Variants in ACTR3C observed in about 807,000 individuals in gnomAD.
The protein encoded by ACTR3C is actin-related protein 3C.
Under a neutral mutation model 26.3 loss-of-function variants are expected in ACTR3C, and 18 were observed. That is an observed-to-expected ratio of 0.68 (90% confidence interval 0.47 to 1.01). The LOEUF (loss-of-function observed/expected upper bound fraction) is 1.01, where lower values mean the gene tolerates loss of function less well. Among genes scored for constraint, ACTR3C ranks in the 50% least tolerant of loss-of-function variants. ACTR3C has a pLI of 0.00. For synonymous variants in ACTR3C, 55 were observed against 94.5 expected (o/e 0.58, Z 2.42); for missense variants, 184 against 250.7 (o/e 0.73, Z 1.80).
intron 6 of ACTR3C, among the ~76,000 whole-genome samples, chr7:150,252,999 T>C (rs1213174096): frequency 6.6e-6 from 1 of 151,502 alleles, no homozygotes; most frequent in Non-Finnish European, 1.5e-5. Flanking sequence ...GACTCTTTTC[T>C]GCAGGTTGTG....
chr7:150,167,080 T>TGCCATATGTTG, the ACTR3C span, among the ~76,000 whole-genome samples: 2 of 150,192 alleles, frequency 1.3e-5, no homozygotes, highest in African/African-American at 5.1e-5. Flanking sequence ...CTTAGGTTGA[T>TGCCATATGTTG]GCCATATCTT....
chr7:150,085,861 CA>C, the ACTR3C span, among the ~76,000 whole-genome samples: 9 of 152,148 alleles, frequency 5.9e-5, no homozygotes, highest in East Asian at 9.6e-4. Context: ...CAGACACACT[CA>C]AAATGTGAAG....
chr7:150,051,261 A>G, the ACTR3C span, among the ~76,000 whole-genome samples: 1 of 152,020 alleles, frequency 6.6e-6, no homozygotes, highest in Non-Finnish European at 1.5e-5. Flanking sequence ...AGTGGTTAGT[A>G]TGTTAGAATA....
chr7:150,210,605 G>C, the ACTR3C span, among the ~76,000 whole-genome samples: 1 of 147,892 alleles, frequency 6.8e-6, no homozygotes, highest in African/African-American at 2.7e-5. Context: ...ATTATACTTA[G>C]TGAAAGTTGT....
the ACTR3C span, among the ~76,000 whole-genome samples, chr7:149,994,576 G>C: frequency 6.6e-6 from 1 of 151,982 alleles, no homozygotes; most frequent in Non-Finnish European, 1.5e-5. Context: ...ACTCCAGCCT[G>C]GGCAACAAGA....
the ACTR3C span, among the ~76,000 whole-genome samples, chr7:149,987,096 C>T: frequency 7.2e-6 from 1 of 139,706 alleles, no homozygotes; most frequent in Non-Finnish European, 1.5e-5. Context: ...GTTTAGTGCC[C>T]TCCACTGGGG....
the ACTR3C span, among the ~76,000 whole-genome samples, chr7:150,010,521 C>A: frequency 7.2e-5 from 11 of 152,138 alleles, no homozygotes; most frequent in South Asian, 4.1e-4. Context: ...TGGTGAAACC[C>A]TGTCTCTGCT....
the ACTR3C span, among the ~76,000 whole-genome samples, chr7:150,029,426 A>AAAAAAAAAAAACAAAAAAC: frequency 7.7e-6 from 1 of 129,598 alleles, no homozygotes; most frequent in African/African-American, 3.0e-5. Flanking sequence ...AACAAACAAA[A>AAAAAAAAAAAACAAAAAAC]AAAAACCATG....
chr7:150,130,090 T>C, the ACTR3C span, among the ~76,000 whole-genome samples: 3 of 152,162 alleles, frequency 2.0e-5, no homozygotes, highest in South Asian at 6.2e-4. Context: ...ACAATCACCA[T>C]TTCAACATAA....
chr7:150,175,413 G>A, the ACTR3C span, among the ~76,000 whole-genome samples: 274 of 145,618 alleles, frequency 1.9e-3, 7 homozygotes, highest in Non-Finnish European at 2.9e-3. Context: ...CCTCTCATTC[G>A]TATTCACAGC....
rs1407783218 is a variant in ACTR3C at position 150,272,394 on chromosome 7, T to C, written c.564+12359A>G. Among the ~76,000 whole-genome samples the C allele has an allele frequency of 2.9e-5, 4 of 139,464 alleles. 1 individual carries two copies. The highest frequency in any genetic ancestry group is 1.2e-4 in the African/African-American group (4 of 32,658). 91.5% of individuals were successfully genotyped at this position (139,464 alleles called of 152,430 possible). On this transcript the variant is annotated intron_variant, in intron 6 of 7. Coordinates refer to ENST00000683684, the MANE Select transcript of ACTR3C (RefSeq NM_001164458.2). ...AAAACTGGTTTTCTAACTAGTCTTT[T>C]ATGAGGATTAAAACGTTGTCTGAGC...
At chr7:150,264,632 A>G in intron 6 of ACTR3C, 1 of 964,944 alleles carries the variant, frequency 1.0e-6, no homozygotes, top group Non-Finnish European at 1.2e-6. Context: ...AGACAAGTTG[A>G]AGAAAACAAA....
At chr7:150,029,287 C>T in the ACTR3C span, among the ~76,000 whole-genome samples, 18 of 151,476 alleles carry the variant, frequency 1.2e-4, no homozygotes, top group South Asian at 2.1e-4. Flanking sequence ...TTGCCAGGCA[C>T]GGTGGCTCAT....
At chr7:150,246,695 A>T (rs1832482097), downstream of ACTR3C, 1 of 152,240 alleles carries the variant, frequency 6.6e-6, no homozygotes, top group African/African-American at 2.4e-5. Context: ...CAATAAAGTT[A>T]ATGTTCCCTA....
chr7:150,039,429 C>T, the ACTR3C span, among the ~76,000 whole-genome samples: 2 of 46,860 alleles, frequency 4.3e-5, no homozygotes, highest in Non-Finnish European at 1.1e-4. Context: ...CCCTGCCTCG[C>T]GGGGGTGCCT....
At chr7:150,041,947 G>A in the ACTR3C span, among the ~76,000 whole-genome samples, 2,827 of 142,008 alleles carry the variant, frequency 0.02, no homozygotes, top group African/African-American at 0.065. Flanking sequence ...GTAATCCCAC[G>A]TAAGGTACCT....
the ACTR3C span, chr7:150,001,427 G>A: frequency 2.0e-5 from 3 of 152,284 alleles, no homozygotes; most frequent in Non-Finnish European, 2.9e-5. Context: ...CTGTGGAGAC[G>A]TTGTCACAGT....
the ACTR3C span, among the ~76,000 whole-genome samples, chr7:150,101,440 G>A: frequency 6.6e-6 from 1 of 151,682 alleles, no homozygotes; most frequent in South Asian, 2.1e-4. Context: ...TGTAGCCCCA[G>A]GGAAATAACT....
the ACTR3C span, among the ~76,000 whole-genome samples, chr7:150,016,146 C>T: frequency 6.6e-6 from 1 of 152,114 alleles, no homozygotes; most frequent in Non-Finnish European, 1.5e-5. Flanking sequence ...GCTCTCTGCC[C>T]CAGCATACTG....
Sources: gnomAD v4.1 joint callset for allele counts (sites outside exome capture counted in the v4.1 genomes callset) on GRCh38, gnomAD v4.1.1 for gene constraint, MANE v1.5 for transcripts, NCBI Gene and HGNC (gene_info 2026-07-23, HGNC 2026-07-21) for gene names.